Variants in MACROD2 observed in about 807,000 individuals in gnomAD.
The protein encoded by MACROD2 is ADP-ribose glycohydrolase MACROD2.
A neutral mutation model predicts 70.4 loss-of-function variants in MACROD2; 36 were observed. The ratio of observed to expected loss-of-function variants is 0.51; its 90% confidence interval spans 0.39 to 0.68. The LOEUF is 0.68. Among genes scored for constraint, MACROD2 ranks in the 30% least tolerant of loss-of-function variants. MACROD2 has a pLI of 0.00. For synonymous variants in MACROD2, 172 were observed against 178.8 expected (o/e 0.96, Z 0.30); for missense variants, 496 against 538.4 (o/e 0.92, Z 0.78).
chr20:15,468,891 A>T (rs1251290760), intron 7 of MACROD2, among the ~76,000 whole-genome samples: 1 of 152,216 alleles, frequency 6.6e-6, no homozygotes, highest in Non-Finnish European at 1.5e-5. Flanking sequence ...ATGGAAAAAT[A>T]TTCAAGACCC....
At chr20:14,553,138 A>G (rs1170666983) in intron 4 of MACROD2, among the ~76,000 whole-genome samples, 1 of 151,560 alleles carries the variant, frequency 6.6e-6, no homozygotes, top group Non-Finnish European at 1.5e-5. Context: ...TTTTTTCTTT[A>G]TATCCTTATT....
At chr20:14,768,177 T>C (rs1300763138) in intron 5 of MACROD2, among the ~76,000 whole-genome samples, 1 of 152,092 alleles carries the variant, frequency 6.6e-6, no homozygotes, top group Non-Finnish European at 1.5e-5. Context: ...CTGGGTCAAA[T>C]GGTATTTCTG....
intron 8 of MACROD2, among the ~76,000 whole-genome samples, chr20:15,853,564 G>A (rs562128361): frequency 4.6e-5 from 7 of 152,198 alleles, no homozygotes; most frequent in Non-Finnish European, 8.8e-5. Context: ...CTGGCTTGAG[G>A]ATGGAGGCAG....
intron 3 of MACROD2, among the ~76,000 whole-genome samples, chr20:14,468,914 G>A (rs2084492985): frequency 6.6e-6 from 1 of 152,076 alleles, no homozygotes; most frequent in African/African-American, 2.4e-5. Flanking sequence ...TCTTTGAATT[G>A]GAGGATTTAG....
intron 4 of MACROD2, among the ~76,000 whole-genome samples, chr20:14,546,434 A>T (rs1274439947): frequency 6.6e-6 from 1 of 152,210 alleles, no homozygotes; most frequent in Admixed American, 6.5e-5. Flanking sequence ...GCTACTGTTC[A>T]TAAGTGTTTC....
chr20:14,250,646 G>A (rs1487486603), intron 3 of MACROD2, among the ~76,000 whole-genome samples: 2 of 151,942 alleles, frequency 1.3e-5, no homozygotes, highest in Non-Finnish European at 1.5e-5. Flanking sequence ...TTTCTTTTAC[G>A]CATATAATTT....
intron 2 of MACROD2, among the ~76,000 whole-genome samples, chr20:14,032,076 G>A (rs574963607): frequency 6.6e-6 from 1 of 151,992 alleles, no homozygotes; most frequent in South Asian, 2.1e-4. Flanking sequence ...AGCTTTTAGT[G>A]TAAAAATTTA....
At chr20:14,253,108 G>A (rs2122279915) in intron 3 of MACROD2, among the ~76,000 whole-genome samples, 1 of 152,016 alleles carries the variant, frequency 6.6e-6, no homozygotes, top group East Asian at 1.9e-4. Flanking sequence ...CATGTAAATG[G>A]TATATTTTTA....
At chr20:14,794,700 G>A (rs1471477549) in intron 5 of MACROD2, among the ~76,000 whole-genome samples, 13 of 152,210 alleles carry the variant, frequency 8.5e-5, no homozygotes, top group Non-Finnish European at 2.9e-5. Context: ...ATATCTGTTT[G>A]TAGAGCATTT....
intron 4 of MACROD2, among the ~76,000 whole-genome samples, chr20:14,626,068 C>T (rs1984135738): frequency 1.3e-5 from 2 of 152,164 alleles, no homozygotes; most frequent in South Asian, 4.1e-4. Flanking sequence ...TCGTGATCTG[C>T]CCGCCTCAGC....
At chr20:15,000,629 C>CAAAAAAAAAAAA (rs398040701) in intron 5 of MACROD2, among the ~76,000 whole-genome samples, 8 of 21,982 alleles carry the variant, frequency 3.6e-4, no homozygotes, top group African/African-American at 1.9e-3. Flanking sequence ...GACTCCGTCT[C>CAAAAAAAAAAAA]AAAAAAAAAA....
chr20:14,945,292 G>C (rs2074422606), intron 5 of MACROD2, among the ~76,000 whole-genome samples: 1 of 151,824 alleles, frequency 6.6e-6, no homozygotes, highest in South Asian at 2.1e-4. Context: ...TTGCCAGGCT[G>C]GTCCTGAACT....
intron 8 of MACROD2, among the ~76,000 whole-genome samples, chr20:15,708,622 T>C (rs115079111): frequency 0.054 from 6,981 of 130,324 alleles, 567 homozygotes; most frequent in Middle Eastern, 0.11. Flanking sequence ...CACCTGTGAT[T>C]TCAGCACTTT....
At chr20:15,365,573 A>G (rs1340082643) in intron 6 of MACROD2, among the ~76,000 whole-genome samples, 1 of 151,886 alleles carries the variant, frequency 6.6e-6, no homozygotes, top group African/African-American at 2.4e-5. Context: ...AGGCAGGAGA[A>G]TCGCTTGAAC....
chr20:14,146,455 G>T (rs2054944810), intron 3 of MACROD2, among the ~76,000 whole-genome samples: 1 of 152,200 alleles, frequency 6.6e-6, no homozygotes, highest in Non-Finnish European at 1.5e-5. Context: ...GTTGCTGCTT[G>T]TGTGGATCAG....
intron 5 of MACROD2, among the ~76,000 whole-genome samples, chr20:15,021,893 C>T (rs1377223519): frequency 6.6e-6 from 1 of 151,852 alleles, no homozygotes; most frequent in Middle Eastern, 3.2e-3. Flanking sequence ...TGTACCACAC[C>T]AATGCAAGAT....
intron 5 of MACROD2, among the ~76,000 whole-genome samples, chr20:15,196,621 C>G (rs1292774563): frequency 6.6e-6 from 1 of 152,194 alleles, no homozygotes; most frequent in East Asian, 1.9e-4. Flanking sequence ...AGTAGTAAGC[C>G]AAGCCAAACA....
At chr20:14,597,905 A>T in intron 4 of MACROD2, among the ~76,000 whole-genome samples, 1 of 152,134 alleles carries the variant, frequency 6.6e-6, no homozygotes, top group East Asian at 1.9e-4. Flanking sequence ...CTGTTGATTG[A>T]ACTTCTCATT....
At chr20:15,601,671 C>T (rs1434277857) in intron 8 of MACROD2, among the ~76,000 whole-genome samples, 1 of 152,186 alleles carries the variant, frequency 6.6e-6, no homozygotes, top group Non-Finnish European at 1.5e-5. Context: ...TTCTGACCCT[C>T]AAGCATGACT....
Sources: allele counts gnomAD v4.1 joint callset (sites outside exome capture counted in the v4.1 genomes callset), GRCh38; gene constraint gnomAD v4.1.1; transcripts MANE v1.5; gene names NCBI Gene and HGNC (gene_info 2026-07-23, HGNC 2026-07-21).